The following ATXN2 variants were observed in gnomAD, a reference collection of about 807,000 sequenced individuals.
ATXN2 encodes the protein ataxin-2.
A neutral mutation model predicts 138.6 loss-of-function variants in ATXN2; 37 were observed. The observed-to-expected ratio is 0.27, with a 90% CI of 0.21 to 0.35. ATXN2 has a LOEUF of 0.35. Ranked by LOEUF, ATXN2 falls within the 10% of genes least tolerant of loss-of-function variation. ATXN2 has a pLI of 1.00. For synonymous variants in ATXN2, 549 were observed against 543.7 expected (o/e 1.01, Z -0.13); for missense variants, 1,216 against 1,480.3 (o/e 0.82, Z 2.93).
intron 14 of ATXN2, among the ~76,000 whole-genome samples, chr12:111,497,102 A>C (rs902162961): frequency 6.6e-6 from 1 of 152,180 alleles, no homozygotes; most frequent in African/African-American, 2.4e-5. Flanking sequence ...GATACATTGG[A>C]AAACCTTGAA....
intron 5 of ATXN2, among the ~76,000 whole-genome samples, chr12:111,526,341 T>C (rs981516288): frequency 3.3e-5 from 5 of 149,980 alleles, no homozygotes; most frequent in African/African-American, 1.2e-4. Context: ...GGCGACAGAG[T>C]GAGACCCTGT....
rs767250118 is a variant in ATXN2, at chr12:111,520,993, G to GT, written c.697-21dup. 5 of 1,466,540 alleles carry GT rather than the reference G, an allele frequency of 3.4e-6. No individual in the cohort carries two copies. In the South Asian group the frequency reaches 6.1e-5, roughly 18 times the overall value. 90.8% of individuals were successfully genotyped at this position (1,466,540 alleles called of 1,614,324 possible). A position where few individuals can be genotyped will look rare whatever the true frequency, so the allele number is the denominator to read the frequency against. Reference sequence around the variant, plus strand: ...ATTAGACTAGAAGAAAATGAAGCTTGTTTTTCAAAATGTCAAAGTAGTTGT... The same window carrying GT: ...ATTAGACTAGAAGAAAATGAAGCTTGTTTTTTCAAAATGTCAAAGTAGTTGT... On this transcript the variant is annotated intron_variant, in intron 6 of 24. Coordinates refer to ENST00000673436, the MANE Select transcript of ATXN2 (RefSeq NM_001372574.1).
intron 18 of ATXN2, among the ~76,000 whole-genome samples, chr12:111,483,316 T>C (rs1393101909): frequency 6.6e-6 from 1 of 151,772 alleles, no homozygotes; most frequent in Non-Finnish European, 1.5e-5. Flanking sequence ...AAGGCAATTA[T>C]TGGGCACTGA....
At chr12:111,567,166 C>T (rs1287603989) in intron 1 of ATXN2, among the ~76,000 whole-genome samples, 1 of 152,162 alleles carries the variant, frequency 6.6e-6, no homozygotes, top group Non-Finnish European at 1.5e-5. Flanking sequence ...CCTGGTGAAG[C>T]TGCTGTGAGC....
intron 1 of ATXN2, among the ~76,000 whole-genome samples, chr12:111,591,694 G>A (rs1441807545): frequency 1.3e-5 from 2 of 152,102 alleles, no homozygotes; most frequent in Non-Finnish European, 2.9e-5. Flanking sequence ...ATTGCTTTGG[G>A]CAAGTCCCCT....
chr12:111,484,351 C>T (rs1279558263), intron 18 of ATXN2, among the ~76,000 whole-genome samples: 2 of 150,146 alleles, frequency 1.3e-5, no homozygotes, highest in South Asian at 2.1e-4. Context: ...CTCATGGGTT[C>T]AAGTCATCCT....
At chr12:111,574,112 T>C (rs550074526) in intron 1 of ATXN2, among the ~76,000 whole-genome samples, 1 of 151,724 alleles carries the variant, frequency 6.6e-6, no homozygotes, top group African/African-American at 2.4e-5. Flanking sequence ...GGTCGGGATC[T>C]GTGGCTAACA....
rs546008345 is a variant in ATXN2 at position 111,465,411 on chromosome 12, A to G, written c.2843-696T>C. Among the ~76,000 whole-genome samples, 27 of 152,266 alleles carry G rather than the reference A, an allele frequency of 1.8e-4. No homozygotes were observed. In the South Asian group the frequency reaches 5.4e-3, roughly 30 times the overall value. Reference sequence around the variant, plus strand: ...TCCTAATGGCTCTAGTTAGTCGGAAAAGTTGTATTATTACTGTTTCTGAAA... The same window carrying G: ...TCCTAATGGCTCTAGTTAGTCGGAAGAGTTGTATTATTACTGTTTCTGAAA... On this transcript the variant is annotated intron_variant, in intron 20 of 24. Transcript: ENST00000673436.
At chr12:111,474,183 T>C (rs1033510720) in intron 18 of ATXN2, among the ~76,000 whole-genome samples, 2 of 152,136 alleles carry the variant, frequency 1.3e-5, no homozygotes, top group African/African-American at 2.4e-5. Flanking sequence ...ATCATGCCAC[T>C]GCACTCCAGC....
chr12:111,599,649 C>A, upstream of ATXN2: 2 of 1,080,854 alleles, frequency 1.9e-6, no homozygotes, highest in Non-Finnish European at 2.2e-6. Flanking sequence ...GAGGAGCGGG[C>A]GGCGCGCTGG....
chr12:111,466,172 TA>T (rs11326711), intron 20 of ATXN2, among the ~76,000 whole-genome samples: 53,150 of 117,694 alleles, frequency 0.45, 13,706 homozygotes, highest in East Asian at 0.9. Context: ...TCTCAAAAAT[TA>T]AAAAAAAAAT....
chr12:111,521,234 T>G (rs1880141562), intron 6 of ATXN2, among the ~76,000 whole-genome samples: 1 of 152,204 alleles, frequency 6.6e-6, no homozygotes, highest in Admixed American at 6.5e-5. Flanking sequence ...TAAAATAGCC[T>G]TCAGATCAGG....
chr12:111,491,846 G>A (rs1878056372), intron 14 of ATXN2, among the ~76,000 whole-genome samples: 2 of 152,138 alleles, frequency 1.3e-5, no homozygotes, highest in Admixed American at 1.3e-4. Flanking sequence ...AGAGTAAAAA[G>A]GACTTTATCT....
intron 1 of ATXN2, among the ~76,000 whole-genome samples, chr12:111,563,285 T>C (rs1290092412): frequency 1.3e-5 from 2 of 152,132 alleles, no homozygotes. Context: ...ATTCCACATA[T>C]ATATGTAGAA....
chr12:111,597,869 G>A, intron 1 of ATXN2: 4 of 1,288,550 alleles, frequency 3.1e-6, no homozygotes, highest in East Asian at 5.6e-5. Context: ...CACCAGCACC[G>A]CCACCCCGGA....
Position 111,598,054 on chromosome 12 carries a change from C to G in ATXN2, c.251+730G>C, listed in dbSNP as rs1885026037. 1.7e-6 allele frequency: 2 copies of G among 1,162,478 alleles called. No homozygotes were observed. The highest frequency in any genetic ancestry group is 7.4e-5 in the Admixed American group (2 of 26,852). 72.0% of individuals were successfully genotyped at this position (1,162,478 alleles called of 1,614,324 possible). The stretch of plus-strand genomic sequence containing the variant: ...GGCACTCCCCACCCCTTCCCTTCCC[C>G]AGGTGGGGGAGGGTGGAACGCTGCC... On this transcript the variant is annotated intron_variant, in intron 1 of 24. Transcript: ENST00000673436. This position sits in a 1 kb window ranked among gnomAD's most constrained non-coding sequence, Gnocchi z 4.5.
At chr12:111,536,236 A>G (rs922361418) in intron 5 of ATXN2, among the ~76,000 whole-genome samples, 3 of 152,248 alleles carry the variant, frequency 2.0e-5, no homozygotes, top group Non-Finnish European at 2.9e-5. Context: ...TTAGGAGATT[A>G]TAACAATATT....
At chr12:111,467,118 T>C (rs1030192657) in intron 20 of ATXN2, among the ~76,000 whole-genome samples, 2 of 151,914 alleles carry the variant, frequency 1.3e-5, no homozygotes, top group Admixed American at 6.6e-5. Context: ...TATGATGGCA[T>C]AGAACAAAAC....
intron 5 of ATXN2, among the ~76,000 whole-genome samples, chr12:111,527,952 C>A (rs1880592206): frequency 6.6e-6 from 1 of 152,058 alleles, no homozygotes; most frequent in Admixed American, 6.6e-5. Context: ...AAGAAAACAT[C>A]AAATAATAAC....
Sources: gnomAD v4.1 joint callset for allele counts (sites outside exome capture counted in the v4.1 genomes callset) on GRCh38, gnomAD v4.1.1 for gene constraint, Gnocchi (gnomAD v3.1) non-coding constraint, MANE v1.5 for transcripts, NCBI Gene and HGNC (gene_info 2026-07-23, HGNC 2026-07-21) for gene names.